The following DUS1L variants were observed in gnomAD, a reference collection of about 807,000 sequenced individuals.
The protein encoded by DUS1L is dihydrouridine synthase 1 like, also known as tRNA-dihydrouridine(16/17) synthase [NAD(P)(+)]-like.
Under a neutral mutation model 61.2 loss-of-function variants are expected in DUS1L, and 56 were observed. That is an observed-to-expected ratio of 0.92 (90% CI 0.74 to 1.14). The LOEUF (loss-of-function observed/expected upper bound fraction) is 1.14, where lower values mean the gene tolerates loss of function less well. Among genes scored for constraint, DUS1L ranks in the 50% most tolerant of loss-of-function variants. The pLI, the probability that DUS1L is intolerant of heterozygous loss-of-function variation, is 0.00. For missense variants in DUS1L, 630 were observed against 632.4 expected (o/e 1.00, Z 0.04); for synonymous variants, 278 against 259.5 (o/e 1.07, Z -0.69).
At chr17:82,060,629 G>T in intron 10 of DUS1L, 72 bp downstream of exon 10, 1 of 1,546,010 alleles carries the variant, frequency 6.5e-7, no homozygotes, top group Non-Finnish European at 8.8e-7. Context: ...CAGGGCAGGC[G>T]CAGCACTGTG....
chr17:82,060,591 A>G (rs9903578), intron 10 of DUS1L, 110 bp downstream of exon 10: 3 of 1,374,528 alleles, frequency 2.2e-6, no homozygotes, highest in Non-Finnish European at 3.0e-6. Flanking sequence ...TGGGCAGGAG[A>G]TGACTGACCA....
rs532839820 is a variant in DUS1L, at chr17:82,064,976, G to A, written c.84C>T (p.Ser28=). 2.5e-6 allele frequency: 4 copies of A among 1,612,262 alleles called. No homozygotes were observed. The highest frequency in any genetic ancestry group is 1.7e-5 in the Admixed American group (1 of 59,992). Residue 28 remains serine, a synonymous_variant, in exon 2 of 14, where the codon AGC becomes AGT. Coordinates refer to ENST00000306796, the MANE Select transcript of DUS1L (RefSeq NM_022156.5). ...GGCTCAGCAGCCTCCAGGCCAGCTC[G>A]CTCTGGTCCACCATGGGGGCCACGA... ...RHVVAPMVDQ[S]ELAWRLLSRR... is the part of the protein sequence containing the mutation.
intron 4 of DUS1L, 58 bp from the exon 5 acceptor site, chr17:82,063,031 A>T: frequency 1.4e-6 from 2 of 1,442,766 alleles, no homozygotes; most frequent in South Asian, 2.3e-5. Context: ...TTAGCGGCCA[A>T]GCCCCAGAGC....
At chr17:82,060,584 G>T in intron 10 of DUS1L, 117 bp downstream of exon 10, 1 of 1,314,130 alleles carries the variant, frequency 7.6e-7, no homozygotes, top group Non-Finnish European at 1.0e-6. Flanking sequence ...TTTCCCTTGG[G>T]CAGGAGATGA....
Position 82,058,415 on chromosome 17 carries a change from C to T in DUS1L, c.1208G>A (p.Gly403Asp). The change falls in exon 13 of 14, where the codon GGC becomes GAC. Residue 403 changes from glycine to aspartate, a missense_variant and splice_region_variant. Coordinates refer to ENST00000306796, the MANE Select transcript of DUS1L (RefSeq NM_022156.5). ...GCACAGGCTGAACACACATCTGTTG[C>T]CCTGGGCACAGGAAATCTCGGGAGC... is the stretch of plus-strand genomic sequence containing the variant. The part of the protein sequence containing the change: ...AKCDQCGNPK[G>D]NRCVFSLCRG... 6.7e-7 allele frequency: 1 copy of T among 1,487,316 alleles called. No homozygotes were observed. The highest frequency in any genetic ancestry group is 9.0e-7 in the Non-Finnish European group (1 of 1,117,130). The allele number at this position is 1,487,316 out of a possible 1,614,324, so 92.1% of individuals were successfully genotyped here.
chr17:82,058,257 G>A lies in DUS1L; in HGVS notation c.1283-3C>T, dbSNP rs1237367795. The A allele has an allele frequency of 1.8e-5, 29 of 1,575,202 alleles. No individual in the cohort carries two copies. The highest frequency in any genetic ancestry group is 2.3e-5 in the Non-Finnish European group (27 of 1,155,084). ...GGTTTTAAAAAGCAATCCGTGACCT[G>A]GCAGAGCGAGTGAGAGGAGTCGGGG... On this transcript the variant is annotated splice_polypyrimidine_tract_variant and splice_region_variant and intron_variant, in intron 13 of 13. Transcript: ENST00000306796.
chr17:82,058,091 C>T lies in DUS1L; in HGVS notation c.*24G>A. The T allele has an allele frequency of 2.6e-6, 4 of 1,517,820 alleles. No homozygotes were observed. Among genetic ancestry groups the T allele is most frequent in the Non-Finnish European group, 3.5e-6 (4 of 1,129,398 alleles). The allele number at this position is 1,517,820 out of a possible 1,614,324, so 94.0% of individuals were successfully genotyped here. On this transcript the variant is annotated 3_prime_UTR_variant, in exon 14 of 14. Transcript: ENST00000306796. ...GACGTGTCCAGGCTCCAGCAGCAGT[C>T]CTGGGGGTGGGGGTTGTGGGCCTTC...
At chr17:82,064,738 C>T in intron 2 of DUS1L, 85 bp downstream of exon 2, 1 of 1,358,582 alleles carries the variant, frequency 7.4e-7, no homozygotes, top group Non-Finnish European at 1.0e-6. Context: ...AAAGTGATGT[C>T]CCGCCACAGA....
Position 82,060,912 on chromosome 17 carries a change from G to T in DUS1L, c.892C>A (p.Leu298Met). 1 of 1,611,324 alleles carries T rather than the reference G, an allele frequency of 6.2e-7. No homozygotes were observed. The change falls in exon 9 of 14, where the codon CTG becomes ATG. Residue 298 changes from leucine to methionine, a missense_variant. Leu to Met is a conservative substitution (Grantham distance 15). Coordinates refer to ENST00000306796, the MANE Select transcript of DUS1L (RefSeq NM_022156.5). ...LREELAKVKT[L>M]EGIAAVSQEL... ...TGGCTCACAGCAGCGATGCCCTCCA[G>T]GGTCTTCACCTTGGCCAGCTCCTCT...
At chr17:82,063,844 C>T (rs1011396157) in intron 3 of DUS1L, among the ~76,000 whole-genome samples, 1 of 152,210 alleles carries the variant, frequency 6.6e-6, no homozygotes. Context: ...GCCCCACACA[C>T]AGCAGTGCAA....
intron 5 of DUS1L, 43 bp from the exon 6 acceptor site, chr17:82,062,026 C>T (rs756780860): frequency 5.9e-6 from 9 of 1,523,234 alleles, no homozygotes; most frequent in South Asian, 1.2e-5. Context: ...AAGCCCCTTC[C>T]GCCCCTCAGA....
Position 82,061,957 on chromosome 17 carries a change from C to T in DUS1L, c.537G>A (p.Lys179=), listed in dbSNP as rs1466311164. 1 of 1,610,198 alleles carries T rather than the reference C, an allele frequency of 6.2e-7. No individual in the cohort carries two copies. The highest frequency in any genetic ancestry group is 8.5e-7 in the Non-Finnish European group (1 of 1,178,574). Residue 179 remains lysine (K), a synonymous_variant, in exon 6 of 14, where the codon AAG becomes AAA. Transcript: ENST00000306796. ...CACCCGACAGGGGCCCCTTCTGCTC[C>T]TTGGTGCGTCCGTGCACCGTCAGCA... ...CQLLTVHGRT[K]EQKGPLSGAA...
At position 82,058,181 on chromosome 17, in the gene DUS1L, C is replaced by G. The variant is rs749261686; in HGVS notation, c.1356G>C (p.Glu452Asp). The change falls in exon 14 of 14, where the codon GAG (glutamate) becomes GAC (aspartate). Residue 452 changes from glutamate to aspartate, a missense_variant. Coordinates refer to ENST00000306796, the MANE Select transcript of DUS1L (RefSeq NM_022156.5). The part of the protein sequence containing the change: ...AWKEAQPELQ[E>D]PQPAAPGTPG... ...GTGTTCCAGGTGCTGCTGGCTGAGGCTCCTGCAGCTCAGGCTGGGCCTCTT... is the reference window on the plus strand; with the variant it reads ...GTGTTCCAGGTGCTGCTGGCTGAGGGTCCTGCAGCTCAGGCTGGGCCTCTT... 6.2e-7 allele frequency: 1 copy of G among 1,600,972 alleles called. No individual in the cohort carries two copies. Among genetic ancestry groups the G allele is most frequent in the South Asian group, 1.1e-5 (1 of 90,348 alleles).
chr17:82,060,403 G>A (rs2033423038), intron 10 of DUS1L: 1 of 576,890 alleles, frequency 1.7e-6, no homozygotes, highest in Non-Finnish European at 3.1e-6. Context: ...TGACCCACGG[G>A]CAAATCCACC....
chr17:82,060,475 C>T (rs1470751717), intron 10 of DUS1L: 1 of 602,972 alleles, frequency 1.7e-6, no homozygotes, highest in Non-Finnish European at 2.9e-6. Flanking sequence ...CGAGCGTCCA[C>T]TGAGGGAGGA....
chr17:82,059,173 A>G (rs1568084009), intron 11 of DUS1L: 1 of 256,338 alleles, frequency 3.9e-6, no homozygotes. Context: ...CTTCAGTTCC[A>G]GGTCTCCCAA....
chr17:82,058,209 C>T lies in DUS1L; in HGVS notation c.1328G>A (p.Trp443Ter). The T allele has an allele frequency of 1.3e-6, 2 of 1,599,218 alleles. No individual in the cohort carries two copies. The highest frequency in any genetic ancestry group is 1.7e-4 in the Middle Eastern group (1 of 6,018). Reference sequence around the variant, plus strand: ...CTGCAGCTCAGGCTGGGCCTCTTTCCAGGCCAGAGACTTCTCCAATTTGGT... The same window carrying T: ...CTGCAGCTCAGGCTGGGCCTCTTTCTAGGCCAGAGACTTCTCCAATTTGGT... ...FKTKLEKSLA[W>*]KEAQPELQEP... is the part of the protein sequence containing the mutation. Residue 443 changes from tryptophan to a stop codon, truncating the protein, a stop_gained, in exon 14 of 14, where the codon TGG becomes TAG. Transcript: ENST00000306796. LOFTEE classifies it low-confidence loss of function (END_TRUNC).
At chr17:82,060,426 G>T in intron 10 of DUS1L, 1 of 585,676 alleles carries the variant, frequency 1.7e-6, no homozygotes, top group Non-Finnish European at 3.0e-6. Context: ...GATCAGAGGA[G>T]CTCAGAGAAG....
chr17:82,059,080 G>T, intron 11 of DUS1L: 1 of 546,910 alleles, frequency 1.8e-6, no homozygotes, highest in South Asian at 2.1e-5. Flanking sequence ...GCCGCAGGAC[G>T]AGCAGCCTTA....
Sources: allele counts gnomAD v4.1 joint callset (sites outside exome capture counted in the v4.1 genomes callset), GRCh38; gene constraint gnomAD v4.1.1; transcripts MANE v1.5; gene names NCBI Gene and HGNC (gene_info 2026-07-23, HGNC 2026-07-21).